The following RARB variants were observed in gnomAD, a reference collection of about 807,000 sequenced individuals.
RARB encodes the protein HBV-activated protein.
RARB carries 17 observed loss-of-function variants against 51.9 expected under a neutral mutation model. The ratio of observed to expected loss-of-function variants is 0.33; its 90% confidence interval spans 0.22 to 0.49. The LOEUF (loss-of-function observed/expected upper bound fraction) is 0.49, where lower values mean the gene tolerates loss of function less well. Among genes scored for constraint, RARB ranks in the 20% least tolerant of loss-of-function variants. The pLI, the probability that RARB is intolerant of heterozygous loss-of-function variation, is 0.99. For missense variants in RARB, 369 were observed against 550.8 expected, an observed-to-expected ratio of 0.67 and a Z score of 3.30; for synonymous variants, 215 against 195.4, an observed-to-expected ratio of 1.10 and a Z score of -0.84.
At chr3:24,846,576 C>A (rs991977255) in intron 1 of RARB, among the ~76,000 whole-genome samples, 4 of 152,184 alleles carry the variant, frequency 2.6e-5, no homozygotes, top group Admixed American at 6.5e-5. Flanking sequence ...GTATGGCCAA[C>A]AAATTGCAGG....
chr3:25,256,967 G>A (rs1702881591), intron 5 of RARB, among the ~76,000 whole-genome samples: 2 of 152,052 alleles, frequency 1.3e-5, no homozygotes, highest in Admixed American at 6.6e-5. Flanking sequence ...TGACATGCTT[G>A]CCCAAAATAT....
intron 3 of RARB, among the ~76,000 whole-genome samples, chr3:25,124,414 G>T (rs192142136): frequency 6.6e-6 from 1 of 152,008 alleles, no homozygotes. Flanking sequence ...TTTATTTCCC[G>T]AACTTTCTTA....
Position 25,158,590 on chromosome 3 carries a change from A to G in RARB, c.-279-15529A>G, listed in dbSNP as rs150236308. Among the ~76,000 whole-genome samples, 317 of 152,340 alleles carry G rather than the reference A, an allele frequency of 2.1e-3. 2 individuals carry two copies. The highest frequency in any genetic ancestry group is 7.2e-3 in the African/African-American group (301 of 41,572). ...TGCTTTAAAAGAATAATTTCAGAAG[A>G]AAGTCTAGTCAATAGGGGCAGAGAA... is the stretch of plus-strand genomic sequence containing the variant. On this transcript the variant is annotated intron_variant, in intron 4 of 11. Transcript: ENST00000383772.
chr3:25,579,921 T>A lies in RARB; in HGVS notation c.610-625T>A, dbSNP rs1224667379. 2.0e-5 allele frequency among the ~76,000 whole-genome samples: 3 copies of A among 152,216 alleles called. No individual in the cohort carries two copies. In the East Asian group the frequency reaches 5.8e-4, roughly 29 times the overall value. ...GTGTTTTTAAGAGATTAACAAGTAC[T>A]GATGGTCAATGCTTAGAGCCATTCA... is the stretch of plus-strand genomic sequence containing the variant. On this transcript the variant is annotated intron_variant, in intron 4 of 7. Coordinates refer to ENST00000330688, the MANE Select transcript of RARB (RefSeq NM_000965.5).
At chr3:25,498,814 G>A (rs148077953) in intron 2 of RARB, among the ~76,000 whole-genome samples, 235 of 152,288 alleles carry the variant, frequency 1.5e-3, no homozygotes, top group African/African-American at 5.3e-3. Context: ...GCAGAAGAGC[G>A]ATGGAGGTTT....
chr3:25,573,553 A>G (rs925192623), intron 4 of RARB, among the ~76,000 whole-genome samples: 16 of 152,318 alleles, frequency 1.1e-4, no homozygotes, highest in Non-Finnish European at 2.2e-4. Flanking sequence ...CTTCATTTGT[A>G]CTATCTCTCC....
At chr3:24,938,704 C>A (rs907450362) in intron 2 of RARB, among the ~76,000 whole-genome samples, 1 of 152,106 alleles carries the variant, frequency 6.6e-6, no homozygotes, top group African/African-American at 2.4e-5. Flanking sequence ...AGCTGTGTAC[C>A]CATTAAGTGA....
At chr3:24,941,220 A>C (rs1018209859) in intron 2 of RARB, among the ~76,000 whole-genome samples, 3 of 127,646 alleles carry the variant, frequency 2.4e-5, no homozygotes, top group Non-Finnish European at 4.8e-5. Flanking sequence ...TATAGTGATT[A>C]TTAGGGAAAT....
chr3:25,058,577 T>C (rs942512465), intron 2 of RARB, among the ~76,000 whole-genome samples: 1 of 151,840 alleles, frequency 6.6e-6, no homozygotes, highest in African/African-American at 2.4e-5. Context: ...TTACAACTTA[T>C]TAAAATAAAA....
intron 5 of RARB, among the ~76,000 whole-genome samples, chr3:25,176,643 C>G (rs1189049167): frequency 1.3e-5 from 2 of 151,832 alleles, no homozygotes; most frequent in Non-Finnish European, 2.9e-5. Flanking sequence ...ATCCAGCCAC[C>G]TCAGCCTCCC....
chr3:25,389,171 G>T (rs979830338), intron 5 of RARB, among the ~76,000 whole-genome samples: 1 of 152,138 alleles, frequency 6.6e-6, no homozygotes, highest in African/African-American at 2.4e-5. Flanking sequence ...CAATCTGTCC[G>T]TTTTCTTGAT....
At chr3:25,489,164 C>G (rs1696606111) in intron 2 of RARB, among the ~76,000 whole-genome samples, 1 of 152,208 alleles carries the variant, frequency 6.6e-6, no homozygotes, top group South Asian at 2.1e-4. Flanking sequence ...TAATTGCAGA[C>G]AAGTTCATGT....
chr3:25,417,603 A>T (rs1209208533), intron 5 of RARB, among the ~76,000 whole-genome samples: 3 of 152,140 alleles, frequency 2.0e-5, no homozygotes, highest in Admixed American at 1.3e-4. Flanking sequence ...CACCATGATT[A>T]TGAGGCCTCC....
At chr3:24,873,565 TA>T (rs1702986294) in intron 2 of RARB, among the ~76,000 whole-genome samples, 1 of 152,018 alleles carries the variant, frequency 6.6e-6, no homozygotes, top group Non-Finnish European at 1.5e-5. Context: ...CTCTCTACAG[TA>T]AGTTTTTTTA....
intron 5 of RARB, among the ~76,000 whole-genome samples, chr3:25,392,255 C>A (rs936355577): frequency 1.3e-5 from 2 of 151,968 alleles, no homozygotes; most frequent in African/African-American, 2.4e-5. Context: ...TATGTGCCTA[C>A]TTTTATACCA....
At chr3:25,370,457 A>G (rs2125471477) in intron 5 of RARB, among the ~76,000 whole-genome samples, 1 of 152,300 alleles carries the variant, frequency 6.6e-6, no homozygotes, top group East Asian at 1.9e-4. Flanking sequence ...TGGGCCTTGA[A>G]AAAGGAGTGG....
rs750578089 is a variant in RARB, at chr3:25,483,593, TG to T, written c.307-17587del. 8.6e-5 allele frequency among the ~76,000 whole-genome samples: 13 copies of T among 150,976 alleles called. No homozygotes were observed. In the East Asian group the frequency reaches 2.2e-3, roughly 25 times the overall value. On this transcript the variant is annotated intron_variant, in intron 2 of 7. Transcript: ENST00000330688. ...GTGGCTTTAGTTCCCATAGAGCTTC[TG>T]GTTCAGATGGTGCAAATGAAGCACT...
intron 1 of RARB, among the ~76,000 whole-genome samples, chr3:25,442,725 A>C (rs942533012): frequency 6.6e-6 from 1 of 151,758 alleles, no homozygotes; most frequent in Non-Finnish European, 1.5e-5. Context: ...GGGTGGAACT[A>C]TTTTTCCTGG....
At chr3:25,201,258 T>C (rs915896159) in intron 5 of RARB, among the ~76,000 whole-genome samples, 1 of 152,200 alleles carries the variant, frequency 6.6e-6, no homozygotes, top group African/African-American at 2.4e-5. Flanking sequence ...TAAGAATGCT[T>C]GTGATTTTTG....
Sources: gnomAD v4.1 joint callset for allele counts (sites outside exome capture counted in the v4.1 genomes callset) on GRCh38, gnomAD v4.1.1 for gene constraint, MANE v1.5 for transcripts, NCBI Gene and HGNC (gene_info 2026-07-23, HGNC 2026-07-21) for gene names.